PRKCB: variants seen among roughly 807,000 people sequenced by gnomAD.
PRKCB encodes protein kinase C beta.
PRKCB carries 13 observed loss-of-function variants against 81.5 expected under a neutral mutation model. The observed-to-expected ratio is 0.16, with a 90% CI of 0.10 to 0.25. The LOEUF (loss-of-function observed/expected upper bound fraction) is 0.25. Ranked by LOEUF, PRKCB falls within the 10% of genes least tolerant of loss-of-function variation. The pLI, the probability that PRKCB is intolerant of heterozygous loss-of-function variation, is 1.00. For synonymous variants in PRKCB, 335 were observed against 321.4 expected (o/e 1.04, Z -0.45); for missense variants, 509 against 875.7 (o/e 0.58, Z 5.29).
At chr16:24,091,711 T>C (rs2636955) in intron 5 of PRKCB, among the ~76,000 whole-genome samples, 95,914 of 151,964 alleles carry the variant, frequency 0.63, 30,900 homozygotes, top group African/African-American at 0.75. Context: ...CCTGGGTTCA[T>C]GCCATTCTCC....
chr16:23,836,204 C>G lies in PRKCB; in HGVS notation c.29C>G (p.Pro10Arg). MADPAAGPP[P>R]SEGEESTVRF... ...GCTGACCCGGCTGCGGGGCCGCCGC[C>G]GAGCGAGGGCGAGGAGAGCACCGTG... The change falls in exon 1 of 17, where the codon CCG (proline) becomes CGG (arginine). Residue 10 changes from proline to arginine, a missense_variant. By Grantham distance (103) the Pro-to-Arg change is moderately radical (BLOSUM62 -2). Around this residue, in one of 6 missense-constraint regions of PRKCB, gnomAD observed 33 missense variants for 21.9 expected, o/e 1.50. Coordinates refer to ENST00000643927, the MANE Select transcript of PRKCB (RefSeq NM_002738.7). 1 of 1,571,664 alleles carries G rather than the reference C, an allele frequency of 6.4e-7. No individual in the cohort carries two copies. Among genetic ancestry groups the G allele is most frequent in the Non-Finnish European group, 8.6e-7 (1 of 1,161,588 alleles).
chr16:23,875,636 C>A lies in PRKCB; in HGVS notation c.205+38230C>A, dbSNP rs1238154656. ...CACACACATATATGTATGTATATCA[C>A]ACATATATGTATGTATATCACACAT... is the stretch of plus-strand genomic sequence containing the variant. On this transcript the variant is annotated intron_variant, in intron 2 of 16. Transcript: ENST00000643927. 5.8e-5 allele frequency among the ~76,000 whole-genome samples: 6 copies of A among 103,538 alleles called. 1 individual carries two copies. Among genetic ancestry groups the A allele is most frequent in the African/African-American group, 2.0e-4 (6 of 29,728 alleles). 67.9% of individuals were successfully genotyped at this position (103,538 alleles called of 152,430 possible). A position where few individuals can be genotyped will look rare whatever the true frequency, so the allele number is the denominator to read the frequency against.
At chr16:23,876,521 T>C (rs1223849816) in intron 2 of PRKCB, among the ~76,000 whole-genome samples, 1 of 152,132 alleles carries the variant, frequency 6.6e-6, no homozygotes, top group Non-Finnish European at 1.5e-5. Flanking sequence ...TAGTCCGATA[T>C]GTCTCCATCT....
At chr16:24,053,244 G>T (rs1000453791) in intron 5 of PRKCB, among the ~76,000 whole-genome samples, 1 of 152,230 alleles carries the variant, frequency 6.6e-6, no homozygotes, top group African/African-American at 2.4e-5. Context: ...CTGGAGATTT[G>T]TCAGAGAACA....
intron 16 of PRKCB, among the ~76,000 whole-genome samples, chr16:24,207,364 A>G (rs1252150548): frequency 6.6e-6 from 1 of 152,146 alleles, no homozygotes; most frequent in African/African-American, 2.4e-5. Context: ...ACAATACCTG[A>G]TTGTTATGTA....
intron 2 of PRKCB, among the ~76,000 whole-genome samples, chr16:23,898,117 G>C (rs1364879377): frequency 6.7e-6 from 1 of 150,290 alleles, no homozygotes; most frequent in Non-Finnish European, 1.5e-5. Flanking sequence ...CCAGGCCAGA[G>C]TGCAGTGGTG....
At chr16:23,988,323 A>G (rs778264728) in intron 2 of PRKCB, among the ~76,000 whole-genome samples, 185 bp from the exon 3 acceptor site, 6 of 152,200 alleles carry the variant, frequency 3.9e-5, no homozygotes, top group Non-Finnish European at 7.4e-5. Flanking sequence ...TGAAGCATCT[A>G]TGTTCCCAAG....
intron 9 of PRKCB, among the ~76,000 whole-genome samples, chr16:24,147,696 T>C (rs1457918843): frequency 6.6e-6 from 1 of 152,064 alleles, no homozygotes; most frequent in Non-Finnish European, 1.5e-5. Flanking sequence ...TGATGATGGG[T>C]GTGTTTAAGG....
At position 23,930,693 on chromosome 16, in the gene PRKCB, TG is replaced by T. The variant is rs1220741495; in HGVS notation, c.206-57814del. On this transcript the variant is annotated intron_variant, in intron 2 of 16. Transcript: ENST00000643927. ...GATTTCTTCCTTCTAACGTTATTGT[TG>T]TTATGTCCTCAAACAAAAACATTTA... Among the ~76,000 whole-genome samples the T allele has an allele frequency of 1.8e-4, 27 of 152,306 alleles. 2 individuals carry two copies. The highest frequency in any genetic ancestry group is 1.4e-3 in the Admixed American group (21 of 15,304).
At chr16:24,038,599 A>T (rs552285918) in intron 5 of PRKCB, among the ~76,000 whole-genome samples, 179 of 152,350 alleles carry the variant, frequency 1.2e-3, no homozygotes, top group African/African-American at 3.8e-3. Flanking sequence ...CACAGCCTGT[A>T]CTCAGCATGG....
intron 2 of PRKCB, among the ~76,000 whole-genome samples, chr16:23,945,330 G>A (rs755329953): frequency 2.6e-4 from 39 of 152,342 alleles, no homozygotes; most frequent in Non-Finnish European, 5.3e-4. Context: ...ATGAATAGGG[G>A]ATGATATGGA....
Position 24,191,081 on chromosome 16 carries a change from C to T in PRKCB, c.1723-9C>T. ...CTCAGCAAATTCAATGTTTTTCTTT[C>T]TCTCGAAGCTGATGACCAAACACCC... On this transcript the variant is annotated splice_polypyrimidine_tract_variant and intron_variant, in intron 15 of 16. Coordinates refer to ENST00000643927, the MANE Select transcript of PRKCB (RefSeq NM_002738.7). 3 of 1,610,408 alleles carry T rather than the reference C, an allele frequency of 1.9e-6. No homozygotes were observed. Among genetic ancestry groups the T allele is most frequent in the Non-Finnish European group, 2.5e-6 (3 of 1,178,202 alleles).
chr16:23,928,621 G>A (rs1383079931), intron 2 of PRKCB, among the ~76,000 whole-genome samples: 1 of 152,120 alleles, frequency 6.6e-6, no homozygotes. Flanking sequence ...GAGGAGGACA[G>A]TGGGCGATAT....
intron 2 of PRKCB, among the ~76,000 whole-genome samples, chr16:23,952,191 G>A (rs941461909): frequency 1.3e-5 from 2 of 152,156 alleles, no homozygotes; most frequent in Admixed American, 1.3e-4. Context: ...ATGGGAGTGA[G>A]TCAGGGAGTG....
intron 5 of PRKCB, among the ~76,000 whole-genome samples, chr16:24,091,085 GA>G (rs370698947): frequency 5.3e-5 from 8 of 151,648 alleles, no homozygotes; most frequent in Non-Finnish European, 1.2e-4. Flanking sequence ...TGGAACACGA[GA>G]AAAAAAAGTA....
chr16:24,104,033 G>A (rs1193882684), intron 7 of PRKCB, among the ~76,000 whole-genome samples: 1 of 152,066 alleles, frequency 6.6e-6, no homozygotes, highest in Non-Finnish European at 1.5e-5. Context: ...ATGAACTCCC[G>A]ACCTCAGGTG....
chr16:24,055,113 A>G (rs912725341), intron 5 of PRKCB, among the ~76,000 whole-genome samples: 3 of 152,256 alleles, frequency 2.0e-5, no homozygotes, highest in Non-Finnish European at 4.4e-5. Flanking sequence ...CCTCTTGGGC[A>G]CAGGCCAGGA....
At chr16:23,946,822 T>C (rs933915966) in intron 2 of PRKCB, among the ~76,000 whole-genome samples, 17 of 151,480 alleles carry the variant, frequency 1.1e-4, no homozygotes, top group African/African-American at 3.6e-4. Flanking sequence ...TGCTAGTCCA[T>C]AGATCACACG....
At chr16:24,027,098 C>T (rs190611315) in intron 3 of PRKCB, among the ~76,000 whole-genome samples, 11 of 152,224 alleles carry the variant, frequency 7.2e-5, no homozygotes, top group African/African-American at 2.4e-4. Flanking sequence ...TTGCTGGACC[C>T]ATCAACTTGT....
Sources: gnomAD v4.1 joint callset for allele counts (sites outside exome capture counted in the v4.1 genomes callset) on GRCh38, gnomAD v4.1.1 for gene constraint, gnomAD v4.1.1 regional missense constraint, MANE v1.5 for transcripts, NCBI Gene and HGNC (gene_info 2026-07-23, HGNC 2026-07-21) for gene names.